The following SH2D4A variants were observed in gnomAD, a reference collection of about 807,000 sequenced individuals.
The protein encoded by SH2D4A is SH2 domain containing 4A.
A neutral mutation model predicts 64.7 loss-of-function variants in SH2D4A; 70 were observed. That is an observed-to-expected ratio of 1.08 (90% CI 0.89 to 1.32). The LOEUF is 1.32. Ranked by LOEUF, SH2D4A falls within the 40% of genes most tolerant of loss-of-function variation. The probability of loss-of-function intolerance (pLI) is 0.00; values close to 1 mark genes in which losing one functional copy is unlikely to be tolerated. For missense variants in SH2D4A, 706 were observed against 540.1 expected, an observed-to-expected ratio of 1.31 and a Z score of -3.04; for synonymous variants, 268 against 200.7, an observed-to-expected ratio of 1.34 and a Z score of -2.83.
intron 4 of SH2D4A, among the ~76,000 whole-genome samples, chr8:19,354,100 C>T (rs1052477691): frequency 1.3e-5 from 2 of 151,520 alleles, no homozygotes; most frequent in Non-Finnish European, 2.9e-5. Flanking sequence ...AAGTGATTCT[C>T]CTGTCTCAGC....
At chr8:19,371,203 G>C (rs2053089572) in intron 7 of SH2D4A, among the ~76,000 whole-genome samples, 2 of 152,064 alleles carry the variant, frequency 1.3e-5, no homozygotes, top group South Asian at 4.1e-4. Context: ...AATCATGTTA[G>C]CATCCAGTTT....
intron 7 of SH2D4A, among the ~76,000 whole-genome samples, chr8:19,365,479 GTC>G (rs2052977676): frequency 1.3e-5 from 2 of 152,204 alleles, no homozygotes; most frequent in African/African-American, 2.4e-5. Context: ...GCTGGAGCTT[GTC>G]TGTCCGCACG....
At chr8:19,347,462 G>A (rs1021173717) in intron 4 of SH2D4A, among the ~76,000 whole-genome samples, 29 of 152,138 alleles carry the variant, frequency 1.9e-4, no homozygotes, top group African/African-American at 7.2e-5. Flanking sequence ...GATGTCCCCC[G>A]TCCCCACTCA....
chr8:19,363,947 C>A, intron 6 of SH2D4A, 125 bp from the exon 7 acceptor site: 1 of 830,166 alleles, frequency 1.2e-6, no homozygotes, highest in Non-Finnish European at 1.9e-6. Flanking sequence ...ATGATTGTTC[C>A]TTATTATAAG....
In SH2D4A at chr8:19,361,289, A is replaced by G; in HGVS notation, c.681A>G (p.Lys227=). ...ERTKQICKSW[K]EDSEWQASLR... ...CGAAGCAGATTTGTAAGAGCTGGAA[A>G]GAAGACTCGGAATGGCAGGCATCTC... The change falls in exon 6 of 10, where the codon AAA becomes AAG. Residue 227 remains lysine (K), a synonymous_variant. Transcript: ENST00000265807. 6.2e-7 allele frequency: 1 copy of G among 1,612,200 alleles called. No individual in the cohort carries two copies. The highest frequency in any genetic ancestry group is 8.5e-7 in the Non-Finnish European group (1 of 1,179,444).
chr8:19,359,689 G>A (rs1398703265), intron 5 of SH2D4A, among the ~76,000 whole-genome samples: 1 of 146,910 alleles, frequency 6.8e-6, no homozygotes, highest in Non-Finnish European at 1.5e-5. Flanking sequence ...CAGGAAAACA[G>A]TGTAAGGAAA....
intron 4 of SH2D4A, among the ~76,000 whole-genome samples, chr8:19,343,333 C>T (rs189034401): frequency 7.9e-5 from 12 of 151,766 alleles, no homozygotes; most frequent in East Asian, 5.9e-4. Flanking sequence ...CTCCAGTGGC[C>T]GAGGAGGGAG....
intron 8 of SH2D4A, among the ~76,000 whole-genome samples, chr8:19,380,270 A>G (rs2053269885): frequency 6.6e-6 from 1 of 152,180 alleles, no homozygotes; most frequent in African/African-American, 2.4e-5. Flanking sequence ...TCTGGGTATC[A>G]ATCCTTTATT....
chr8:19,363,885 C>T (rs2052936651), intron 6 of SH2D4A, 187 bp from the exon 7 acceptor site: 3 of 607,382 alleles, frequency 4.9e-6, no homozygotes, highest in South Asian at 2.0e-5. Flanking sequence ...AGAGAGGAAT[C>T]CTGCAGCGAA....
At chr8:19,371,365 T>C (rs865809136) in intron 7 of SH2D4A, among the ~76,000 whole-genome samples, 3 of 151,942 alleles carry the variant, frequency 2.0e-5, no homozygotes, top group South Asian at 4.2e-4. Context: ...ATTTTTTTTT[T>C]CCTTCAGTCT....
chr8:19,319,831 G>A lies in SH2D4A; in HGVS notation c.181+103G>A, dbSNP rs781497537. On this transcript the variant is annotated intron_variant, in intron 2 of 9. Transcript: ENST00000265807. Reference sequence around the variant, plus strand: ...ACAAGCAAAGCAGGTGCAAGTTCCAGTTTGGCAGATGAATCCTAAATGTTA... The same window carrying A: ...ACAAGCAAAGCAGGTGCAAGTTCCAATTTGGCAGATGAATCCTAAATGTTA... 1.4e-4 allele frequency: 178 copies of A among 1,234,692 alleles called. 1 individual carries two copies. The highest frequency in any genetic ancestry group is 7.8e-4 in the Admixed American group (24 of 30,728). 76.5% of individuals were successfully genotyped at this position (1,234,692 alleles called of 1,614,324 possible).
chr8:19,375,964 C>G (rs955740869), intron 8 of SH2D4A, among the ~76,000 whole-genome samples: 3 of 152,182 alleles, frequency 2.0e-5, no homozygotes, highest in Non-Finnish European at 2.9e-5. Flanking sequence ...AGTCCCATCT[C>G]AAGCCACTGT....
At chr8:19,349,757 A>G (rs914305483) in intron 4 of SH2D4A, among the ~76,000 whole-genome samples, 8 of 152,166 alleles carry the variant, frequency 5.3e-5, no homozygotes, top group Admixed American at 2.6e-4. Flanking sequence ...TATTGTTGTT[A>G]TTATTATTTC....
In SH2D4A at chr8:19,395,867, G is replaced by C. The variant is rs922752903; in HGVS notation, c.*1225G>C. The stretch of plus-strand genomic sequence containing the variant: ...ACTATAGCCCCAGAAAGCTAATACA[G>C]TCGTTTATGTAATTACATAACCTGA... On this transcript the variant is annotated 3_prime_UTR_variant, in exon 10 of 10. Transcript: ENST00000265807. 1 of 152,134 alleles carries C rather than the reference G, an allele frequency of 6.6e-6. No homozygotes were observed. Among genetic ancestry groups the C allele is most frequent in the Non-Finnish European group, 1.5e-5 (1 of 68,044 alleles). 9.4% of individuals were successfully genotyped at this position (152,134 alleles called of 1,614,324 possible).
intron 9 of SH2D4A, 127 bp from the exon 10 acceptor site, chr8:19,394,423 A>G: frequency 1.6e-6 from 1 of 607,668 alleles, no homozygotes; most frequent in Non-Finnish European, 2.8e-6. Context: ...ATGCCTTTTA[A>G]GATGATCATA....
chr8:19,333,141 A>G (rs374649587), intron 3 of SH2D4A, 27 bp downstream of exon 3: 237 of 1,592,276 alleles, frequency 1.5e-4, no homozygotes, highest in Non-Finnish European at 1.8e-4. Flanking sequence ...CCAACCAGAG[A>G]CTTAAAGACT....
intron 4 of SH2D4A, among the ~76,000 whole-genome samples, chr8:19,340,133 AAC>A (rs1242476170): frequency 1.3e-5 from 2 of 152,100 alleles, no homozygotes; most frequent in Non-Finnish European, 2.9e-5. Flanking sequence ...CCAGCTGAGG[AAC>A]AGTGTGGCAA....
intron 8 of SH2D4A, among the ~76,000 whole-genome samples, chr8:19,378,778 G>T (rs1037559734): frequency 2.0e-5 from 3 of 151,878 alleles, no homozygotes; most frequent in African/African-American, 7.3e-5. Flanking sequence ...ATGTGTGGTG[G>T]CTCCCATCTA....
Position 19,373,650 on chromosome 8 carries a change from C to G in SH2D4A, c.1038C>G (p.Pro346=), listed in dbSNP as rs1382859600. ...GYQKTSDTIA[P]WFHGILTLKK... ...AGAAAACCTCAGACACCATAGCCCC[C>G]TGGTTCCATGGTGAGTGCAGAGATT... The change falls in exon 8 of 10, where the codon CCC becomes CCG. Residue 346 remains proline (P), a synonymous_variant. Transcript: ENST00000265807. 1.2e-6 allele frequency: 2 copies of G among 1,613,126 alleles called. No homozygotes were observed. Among genetic ancestry groups the G allele is most frequent in the Admixed American group, 3.3e-5 (2 of 59,906 alleles).
Sources: gnomAD v4.1 joint callset for allele counts (sites outside exome capture counted in the v4.1 genomes callset) on GRCh38, gnomAD v4.1.1 for gene constraint, MANE v1.5 for transcripts, NCBI Gene and HGNC (gene_info 2026-07-23, HGNC 2026-07-21) for gene names.